Variants in MAP3K1 observed in about 807,000 individuals in gnomAD.
MAP3K1 encodes MAP/ERK kinase kinase 1.
A neutral mutation model predicts 144.2 loss-of-function variants in MAP3K1; 36 were observed. The observed-to-expected ratio is 0.25, with a 90% CI of 0.19 to 0.33. The LOEUF is 0.33. Among genes scored for constraint, MAP3K1 ranks in the 10% least tolerant of loss-of-function variants. The pLI is 1.00. For synonymous variants in MAP3K1, 718 were observed against 688.7 expected (o/e 1.04, Z -0.67); for missense variants, 1,650 against 1,881.9 (o/e 0.88, Z 2.28).
chr5:56,816,069 C>A lies in MAP3K1; in HGVS notation c.482+14C>A, dbSNP rs1024992299. On this transcript the variant is annotated intron_variant, in intron 1 of 19. Coordinates refer to ENST00000399503, the MANE Select transcript of MAP3K1 (RefSeq NM_005921.2). ...GGCCCCCGCCGGGTGAGCAGCACGG[C>A]CGGGGTCGCGGCGGGGACTTGGAGA... 5.8e-6 allele frequency: 7 copies of A among 1,210,670 alleles called. No individual in the cohort carries two copies. Among genetic ancestry groups the A allele is most frequent in the African/African-American group, 1.6e-5 (1 of 63,468 alleles). The allele number at this position is 1,210,670 out of a possible 1,614,324, so 75.0% of individuals were successfully genotyped here.
chr5:56,815,586 G>C lies in MAP3K1; in HGVS notation c.13G>C (p.Ala5Pro). Reference sequence around the variant, plus strand: ...CCCGCGAGAGAAAATGGCGGCGGCGGCGGGGAATCGCGCCTCGTCGTCGGG... The same window carrying C: ...CCCGCGAGAGAAAATGGCGGCGGCGCCGGGGAATCGCGCCTCGTCGTCGGG... Reference protein sequence around the residue: MAAAAGNRASSSGFP... With the variant: MAAAPGNRASSSGFP... The change falls in exon 1 of 20, where the codon GCG (alanine) becomes CCG (proline). Residue 5 changes from alanine to proline, a missense_variant. Ala to Pro is a conservative substitution (Grantham distance 27). Transcript: ENST00000399503. 7 of 1,299,022 alleles carry C rather than the reference G, an allele frequency of 5.4e-6. No homozygotes were observed. The highest frequency in any genetic ancestry group is 6.8e-6 in the Non-Finnish European group (7 of 1,026,726). The allele number at this position is 1,299,022 out of a possible 1,614,324, so 80.5% of individuals were successfully genotyped here. A position where few individuals can be genotyped will look rare whatever the true frequency, so the allele number is the denominator to read the frequency against.
intron 1 of MAP3K1, among the ~76,000 whole-genome samples, chr5:56,846,074 C>G (rs1344981545): frequency 1.3e-5 from 2 of 152,178 alleles, no homozygotes; most frequent in African/African-American, 4.8e-5. Flanking sequence ...CTAAGACAGA[C>G]AGTAACTTTA....
At chr5:56,830,184 T>A (rs1282738801) in intron 1 of MAP3K1, among the ~76,000 whole-genome samples, 1 of 152,208 alleles carries the variant, frequency 6.6e-6, no homozygotes, top group East Asian at 1.9e-4. Context: ...TTTCTTCTTG[T>A]TGAGGATGCC....
At position 56,881,872 on chromosome 5, in the gene MAP3K1, A is replaced by G. The variant is rs768354073; in HGVS notation, c.2672A>G (p.Asn891Ser). ...QDSFLQASVP[N>S]NYLETTENSS... ...AGCTTCTTGCAGGCATCTGTTCCCA[A>G]CAACTATCTGGAAACCACAGAGAAC... Residue 891 changes from asparagine to serine, a missense_variant, in exon 14 of 20, where the codon AAC (asparagine) becomes AGC (serine). Coordinates refer to ENST00000399503, the MANE Select transcript of MAP3K1 (RefSeq NM_005921.2). 5.6e-6 allele frequency: 9 copies of G among 1,614,142 alleles called. No homozygotes were observed. The highest frequency in any genetic ancestry group is 1.7e-5 in the Admixed American group (1 of 60,004).
chr5:56,863,144 C>G lies in MAP3K1; in HGVS notation c.835-1590C>G, dbSNP rs534630883. Among the ~76,000 whole-genome samples, 39 of 152,274 alleles carry G rather than the reference C, an allele frequency of 2.6e-4. No homozygotes were observed. In the South Asian group the frequency reaches 5.4e-3, roughly 21 times the overall value. On this transcript the variant is annotated intron_variant, in intron 3 of 19. Transcript: ENST00000399503. ...CCTAGCTGTAGCCAATCAGCTGATT[C>G]CTTTGCTTTGCTTTGCTTTGTGTTC...
At chr5:56,868,683 C>T (rs921673555) in intron 6 of MAP3K1, among the ~76,000 whole-genome samples, 8 of 152,080 alleles carry the variant, frequency 5.3e-5, no homozygotes, top group Non-Finnish European at 1.0e-4. Context: ...CGCGCCCGGC[C>T]GTAATGGTTT....
chr5:56,864,988 C>G, intron 4 of MAP3K1, 54 bp downstream of exon 4: 1 of 1,432,560 alleles, frequency 7.0e-7, no homozygotes, highest in Admixed American at 1.7e-5. Context: ...GGTACTACCT[C>G]AAATTTATAT....
intron 10 of MAP3K1, among the ~76,000 whole-genome samples, chr5:56,876,677 A>G (rs1748043763): frequency 1.3e-5 from 2 of 152,200 alleles, no homozygotes; most frequent in African/African-American, 2.4e-5. Flanking sequence ...TGGCTTTATG[A>G]AGGTTACTTA....
chr5:56,892,670 GCAGA>G (rs147991179), intron 19 of MAP3K1, among the ~76,000 whole-genome samples: 1 of 152,192 alleles, frequency 6.6e-6, no homozygotes, highest in Non-Finnish European at 1.5e-5. Flanking sequence ...TTTACCTTCA[GCAGA>G]CACTCACTGA....
At chr5:56,859,575 A>G (rs1747440776) in intron 2 of MAP3K1, 140 bp from the exon 3 acceptor site, 1 of 636,948 alleles carries the variant, frequency 1.6e-6, no homozygotes, top group Non-Finnish European at 2.8e-6. Flanking sequence ...AGTAATAATA[A>G]AAGTTGATAT....
chr5:56,874,260 A>T (rs1747947078), intron 9 of MAP3K1, among the ~76,000 whole-genome samples: 1 of 152,210 alleles, frequency 6.6e-6, no homozygotes, highest in South Asian at 2.1e-4. Context: ...CATTTTTCAC[A>T]TAATGAATTA....
chr5:56,851,180 A>G (rs758145054), intron 1 of MAP3K1, among the ~76,000 whole-genome samples: 1 of 152,186 alleles, frequency 6.6e-6, no homozygotes, highest in Non-Finnish European at 1.5e-5. Flanking sequence ...TCCCAACCTC[A>G]GTTGATCTGC....
intron 1 of MAP3K1, among the ~76,000 whole-genome samples, chr5:56,855,079 C>A (rs1747296613): frequency 6.6e-6 from 1 of 151,976 alleles, no homozygotes; most frequent in Non-Finnish European, 1.5e-5. Context: ...CCCCTGTGTT[C>A]TTCACCCCTA....
intron 3 of MAP3K1, among the ~76,000 whole-genome samples, chr5:56,863,683 G>A (rs968521182): frequency 2.6e-5 from 4 of 152,182 alleles, no homozygotes; most frequent in South Asian, 2.1e-4. Context: ...TGGGTAATAC[G>A]TTTAACATTT....
chr5:56,822,135 C>T (rs908817263), intron 1 of MAP3K1, among the ~76,000 whole-genome samples: 2 of 152,160 alleles, frequency 1.3e-5, no homozygotes, highest in African/African-American at 2.4e-5. Flanking sequence ...ATTCTCCTGC[C>T]TAGCCTCCCG....
intron 3 of MAP3K1, among the ~76,000 whole-genome samples, chr5:56,863,995 C>T (rs565612326): frequency 4.8e-4 from 73 of 152,186 alleles, no homozygotes; most frequent in African/African-American, 1.7e-3. Context: ...TCCATGGCAG[C>T]GTTTGTAAAT....
At chr5:56,852,553 C>T (rs1375381950) in intron 1 of MAP3K1, among the ~76,000 whole-genome samples, 1 of 152,146 alleles carries the variant, frequency 6.6e-6, no homozygotes, top group Non-Finnish European at 1.5e-5. Flanking sequence ...GAAGATAAAG[C>T]TTGATCTGTA....
rs770169813 is a variant in MAP3K1 at position 56,844,183 on chromosome 5, G to GTTTTTTTTTT, written c.483-12402_483-12393dup. Among the ~76,000 whole-genome samples, 59 of 76,100 alleles carry GTTTTTTTTTT rather than the reference G, an allele frequency of 7.8e-4. 1 individual carries two copies. Among genetic ancestry groups the GTTTTTTTTTT allele is most frequent in the African/African-American group, 1.5e-3 (28 of 18,532 alleles). The allele number at this position is 76,100 out of a possible 152,430, so 49.9% of individuals were successfully genotyped here. A position where few individuals can be genotyped will look rare whatever the true frequency, so the allele number is the denominator to read the frequency against. The stretch of plus-strand genomic sequence containing the variant: ...TAGTATTATAGGATTGTTTTTTTTG[G>GTTTTTTTTTT]TTTTTTTTTTTTTTTTTTTTTTTTG... On this transcript the variant is annotated intron_variant, in intron 1 of 19. Coordinates refer to ENST00000399503, the MANE Select transcript of MAP3K1 (RefSeq NM_005921.2).
chr5:56,815,876 TG>T lies in MAP3K1; in HGVS notation c.306del (p.Thr103ProfsTer82). 2 of 1,379,252 alleles carry T rather than the reference TG, an allele frequency of 1.5e-6. No individual in the cohort carries two copies. Among genetic ancestry groups the T allele is most frequent in the Non-Finnish European group, 1.9e-6 (2 of 1,062,014 alleles). The allele number at this position is 1,379,252 out of a possible 1,614,324, so 85.4% of individuals were successfully genotyped here. A position where few individuals can be genotyped will look rare whatever the true frequency, so the allele number is the denominator to read the frequency against. ...CGGAGCCCGCGGACGCAGCGGGGAG[TG>T]GGACCGGCTTCCAGCCTGTGGCGGT... ...SPEPADAAGS[G>X]TGFQPVAVPP... On this transcript the variant is annotated frameshift_variant, in exon 1 of 20. Transcript: ENST00000399503. LOFTEE classifies it high-confidence loss of function.
Sources: allele counts gnomAD v4.1 joint callset (sites outside exome capture counted in the v4.1 genomes callset), GRCh38; gene constraint gnomAD v4.1.1; transcripts MANE v1.5; gene names NCBI Gene and HGNC (gene_info 2026-07-23, HGNC 2026-07-21).